Variants in CAMTA1 observed in about 807,000 individuals in gnomAD.
CAMTA1 encodes calmodulin-binding transcription activator 1.
A neutral mutation model predicts 170.9 loss-of-function variants in CAMTA1; 27 were observed. The ratio of observed to expected loss-of-function variants is 0.16; its 90% CI spans 0.12 to 0.22. The LOEUF (loss-of-function observed/expected upper bound fraction) is 0.22, where lower values mean the gene tolerates loss of function less well. Ranked by LOEUF, CAMTA1 falls within the 10% of genes least tolerant of loss-of-function variation. The probability of loss-of-function intolerance (pLI) is 1.00; values close to 1 mark genes in which losing one functional copy is unlikely to be tolerated. For missense variants in CAMTA1, 1,619 were observed against 2,217.2 expected (o/e 0.73, Z 5.42); for synonymous variants, 833 against 891.5 (o/e 0.93, Z 1.17).
intron 3 of CAMTA1, among the ~76,000 whole-genome samples, chr1:7,043,684 T>C (rs1182658045): frequency 1.3e-5 from 2 of 152,208 alleles, no homozygotes; most frequent in Non-Finnish European, 2.9e-5. Context: ...CTGCCTTTAT[T>C]AGCAGTGGCT....
At chr1:7,190,920 T>C (rs1654398461) in intron 4 of CAMTA1, among the ~76,000 whole-genome samples, 1 of 152,238 alleles carries the variant, frequency 6.6e-6, no homozygotes, top group Non-Finnish European at 1.5e-5. Context: ...GTCACACAGC[T>C]AGTGAATGGT....
At chr1:7,712,829 G>C (rs759873543) in intron 11 of CAMTA1, among the ~76,000 whole-genome samples, 1 of 88,386 alleles carries the variant, frequency 1.1e-5, no homozygotes, top group East Asian at 3.4e-4. Flanking sequence ...AGAAAGCGAA[G>C]GAGGAGCAAA....
chr1:7,369,843 C>T (rs1449128600), intron 5 of CAMTA1, among the ~76,000 whole-genome samples: 4 of 152,160 alleles, frequency 2.6e-5, no homozygotes, highest in Non-Finnish European at 5.9e-5. Flanking sequence ...CCTGATCAGT[C>T]CCCTCCTAGG....
intron 1 of CAMTA1, among the ~76,000 whole-genome samples, chr1:6,806,172 A>C (rs1176426482): frequency 1.3e-5 from 2 of 152,156 alleles, no homozygotes; most frequent in Non-Finnish European, 2.9e-5. Flanking sequence ...ACTGACTATA[A>C]ATCTGTGGGT....
intron 6 of CAMTA1, among the ~76,000 whole-genome samples, chr1:7,639,580 C>T (rs1250206181): frequency 6.6e-6 from 1 of 152,102 alleles, no homozygotes; most frequent in African/African-American, 2.4e-5. Flanking sequence ...CAAGACCAGC[C>T]TGGCCAATAT....
rs752150574 is a variant in CAMTA1, at chr1:7,381,286, C to T, written c.439-86544C>T. On this transcript the variant is annotated intron_variant, in intron 5 of 22. Transcript: ENST00000303635. ...GTCATCTAGCATTAGGTATATCTCC[C>T]AATGCTATCCCTCCCCCCTCCCCCA... Among the ~76,000 whole-genome samples the T allele has an allele frequency of 2.8e-3, 415 of 150,258 alleles. 1 individual carries two copies. The highest frequency in any genetic ancestry group is 4.9e-3 in the Non-Finnish European group (331 of 67,616).
chr1:6,844,315 TACAC>T, intron 3 of CAMTA1, among the ~76,000 whole-genome samples: 1 of 152,236 alleles, frequency 6.6e-6, no homozygotes, highest in East Asian at 1.9e-4. Context: ...CATGCACACA[TACAC>T]ACAAATATAT....
chr1:7,683,635 A>C (rs760839049), intron 11 of CAMTA1, among the ~76,000 whole-genome samples: 1 of 152,092 alleles, frequency 6.6e-6, no homozygotes, highest in African/African-American at 2.4e-5. Flanking sequence ...TGTGCATAGC[A>C]GTAACAGGTG....
At chr1:7,511,742 A>G (rs931192513) in intron 6 of CAMTA1, among the ~76,000 whole-genome samples, 9 of 152,172 alleles carry the variant, frequency 5.9e-5, no homozygotes, top group Non-Finnish European at 1.3e-4. Flanking sequence ...CCCTTTCCCT[A>G]GAATCTGGCC....
At chr1:7,488,446 G>C (rs2093647849) in intron 6 of CAMTA1, among the ~76,000 whole-genome samples, 1 of 152,014 alleles carries the variant, frequency 6.6e-6, no homozygotes, top group African/African-American at 2.4e-5. Flanking sequence ...TGGGATCAGG[G>C]ACAACAACTC....
chr1:7,747,906 GT>G (rs34083763), intron 19 of CAMTA1, 125 bp downstream of exon 19: 233,645 of 424,464 alleles, frequency 0.55, 43,921 homozygotes, highest in Admixed American at 0.67. Flanking sequence ...TTTTTTGGTT[GT>G]TTTTTTTTTT....
Position 7,727,930 on chromosome 1 carries a change from C to T in CAMTA1, c.2915-4518C>T, listed in dbSNP as rs144639630. On this transcript the variant is annotated intron_variant, in intron 11 of 22. Coordinates refer to ENST00000303635, the MANE Select transcript of CAMTA1 (RefSeq NM_015215.4). ...ACTTGCATAGCACAGTGCAACAGAC[C>T]GCACTCCCTGGGTGCCAGCTCAGTC... Among the ~76,000 whole-genome samples, 159 of 152,332 alleles carry T rather than the reference C, an allele frequency of 1.0e-3. 3 individuals carry two copies. In the East Asian group the frequency reaches 0.027, roughly 26 times the overall value.
intron 6 of CAMTA1, among the ~76,000 whole-genome samples, chr1:7,510,523 C>T (rs1180328402): frequency 6.8e-6 from 1 of 146,448 alleles, no homozygotes; most frequent in Non-Finnish European, 1.5e-5. Flanking sequence ...AGCTGTAGCT[C>T]GTACTATGAC....
At chr1:7,692,415 C>T (rs1158021332) in intron 11 of CAMTA1, among the ~76,000 whole-genome samples, 1 of 152,162 alleles carries the variant, frequency 6.6e-6, no homozygotes, top group Non-Finnish European at 1.5e-5. Flanking sequence ...TGGCAAGTCA[C>T]TACATGGTAG....
intron 3 of CAMTA1, among the ~76,000 whole-genome samples, chr1:6,964,590 T>C (rs1459466488): frequency 6.6e-6 from 1 of 152,234 alleles, no homozygotes; most frequent in East Asian, 1.9e-4. Flanking sequence ...GGACACTTTA[T>C]ACTAAGGAGG....
chr1:7,493,738 G>A (rs2093779038), intron 6 of CAMTA1, among the ~76,000 whole-genome samples: 1 of 152,138 alleles, frequency 6.6e-6, no homozygotes, highest in African/African-American at 2.4e-5. Context: ...CCCTCAAAGG[G>A]TTCCCTGGCC....
chr1:7,763,049 G>A (rs1397428480), intron 22 of CAMTA1, among the ~76,000 whole-genome samples: 1 of 152,192 alleles, frequency 6.6e-6, no homozygotes, highest in East Asian at 1.9e-4. Flanking sequence ...AGGTTTGGAA[G>A]TCAGACAAAC....
chr1:7,507,912 G>A (rs532072138), intron 6 of CAMTA1, among the ~76,000 whole-genome samples: 9 of 152,338 alleles, frequency 5.9e-5, no homozygotes, highest in Admixed American at 4.6e-4. Flanking sequence ...GCTCTCCAGC[G>A]TGTGTCTGTT....
At chr1:7,533,285 CTGTG>C (rs2094512373) in intron 6 of CAMTA1, among the ~76,000 whole-genome samples, 2 of 152,208 alleles carry the variant, frequency 1.3e-5, no homozygotes, top group Non-Finnish European at 2.9e-5. Flanking sequence ...CACAGGCCGG[CTGTG>C]CCCTCTGCAG....
Sources: allele counts gnomAD v4.1 joint callset (sites outside exome capture counted in the v4.1 genomes callset), GRCh38; gene constraint gnomAD v4.1.1; transcripts MANE v1.5; gene names NCBI Gene and HGNC (gene_info 2026-07-23, HGNC 2026-07-21).